The following ASPM variants were observed in gnomAD, a reference collection of about 807,000 sequenced individuals.
ASPM encodes assembly factor for spindle microtubules.
A neutral mutation model predicts 366.4 loss-of-function variants in ASPM; 256 were observed. The observed-to-expected ratio is 0.70, with a 90% CI of 0.63 to 0.77. The LOEUF (loss-of-function observed/expected upper bound fraction) is 0.77. ASPM is among the 30% of genes least tolerant of loss of function. The pLI is 0.00. For synonymous variants in ASPM, 1,414 were observed against 1,342.9 expected (o/e 1.05, Z -1.16); for missense variants, 4,146 against 4,090.4 (o/e 1.01, Z -0.37).
intron 4 of ASPM, chr1:197,139,371 G>A: frequency 1.7e-6 from 1 of 592,482 alleles, no homozygotes; most frequent in South Asian, 1.9e-5. Flanking sequence ...CGAGGGGAGG[G>A]ATCACGAGGT....
At chr1:197,141,909 T>C (rs1206670086) in intron 3 of ASPM, among the ~76,000 whole-genome samples, 1 of 152,186 alleles carries the variant, frequency 6.6e-6, no homozygotes, top group Admixed American at 6.5e-5. Flanking sequence ...CATAGGCTCA[T>C]AAATCAGATA....
chr1:197,145,513 GCTCA>G (rs1658736679), intron 1 of ASPM, among the ~76,000 whole-genome samples: 2 of 151,686 alleles, frequency 1.3e-5, no homozygotes, highest in South Asian at 4.2e-4. Flanking sequence ...CCAGAACAAA[GCTCA>G]CTATTTCACC....
intron 13 of ASPM, among the ~76,000 whole-genome samples, chr1:197,123,781 T>C (rs1165510850): frequency 6.6e-6 from 1 of 152,188 alleles, no homozygotes; most frequent in Admixed American, 6.6e-5. Flanking sequence ...AGTTCTTAGT[T>C]GTCCCTTTCT....
chr1:197,117,936 A>G lies in ASPM; in HGVS notation c.3918T>C (p.Phe1306=). The change falls in exon 17 of 28, where the codon TTT becomes TTC. Residue 1306 remains phenylalanine (F), a synonymous_variant. Coordinates refer to ENST00000367409, the MANE Select transcript of ASPM (RefSeq NM_018136.5). The stretch of plus-strand genomic sequence containing the variant: ...TTTTTCTCAATCTTTGTTTTGCTAG[A>G]AAATTGATTACAGCCAATTGAATAA... ...ARIIQLAVIN[F]LAKQRLRKRV... is the part of the protein sequence containing the mutation. 6.2e-7 allele frequency: 1 copy of G among 1,613,652 alleles called. No homozygotes were observed. Among genetic ancestry groups the G allele is most frequent in the South Asian group, 1.1e-5 (1 of 91,080 alleles).
In ASPM at chr1:197,108,971, CAAAAAAAAAAA is replaced by C. The variant is rs564818123; in HGVS notation, c.4066-3797_4066-3787del. Among the ~76,000 whole-genome samples the C allele has an allele frequency of 8.6e-5, 6 of 69,758 alleles. No homozygotes were observed. In the East Asian group the frequency reaches 2.6e-3, roughly 31 times the overall value. The allele number at this position is 69,758 out of a possible 152,430, so 45.8% of individuals were successfully genotyped here. A position where few individuals can be genotyped will look rare whatever the true frequency, so the allele number is the denominator to read the frequency against. Reference sequence around the variant, plus strand: ...GGGCGACAGAGCAAGACCCTGTCTCCAAAAAAAAAAAAAAAAAAAAAAGTCCAGAGAAGAAT... The same window carrying C: ...GGGCGACAGAGCAAGACCCTGTCTCCAAAAAAAAAAAGTCCAGAGAAGAAT... On this transcript the variant is annotated intron_variant, in intron 17 of 27. Transcript: ENST00000367409.
intron 17 of ASPM, among the ~76,000 whole-genome samples, chr1:197,108,749 T>A (rs1386527932): frequency 6.6e-6 from 1 of 151,922 alleles, no homozygotes; most frequent in Non-Finnish European, 1.5e-5. Context: ...GGCAGGAGGA[T>A]GACTAGAGCC....
At chr1:197,114,098 A>T (rs1175484799) in intron 17 of ASPM, among the ~76,000 whole-genome samples, 2 of 152,206 alleles carry the variant, frequency 1.3e-5, no homozygotes, top group African/African-American at 4.8e-5. Flanking sequence ...CAATAAAGCA[A>T]ATATTACAAT....
At position 197,146,390 on chromosome 1, in the gene ASPM, G is replaced by C. The variant is rs1036726093; in HGVS notation, c.48C>G (p.Thr16=). The change falls in exon 1 of 28, where the codon ACC becomes ACG. Residue 16 remains threonine (T), a synonymous_variant. Coordinates refer to ENST00000367409, the MANE Select transcript of ASPM (RefSeq NM_018136.5). Reference sequence around the variant, plus strand: ...GCAGCCCCGCGGGCGGCCTCCGCTCGGTCGGGCTCACTTCCCAGCAGCCTC... The same window carrying C: ...GCAGCCCCGCGGGCGGCCTCCGCTCCGTCGGGCTCACTTCCCAGCAGCCTC... The part of the protein sequence containing the change: ...VGRGCWEVSP[T]ERRPPAGLRG... 9 of 1,609,660 alleles carry C rather than the reference G, an allele frequency of 5.6e-6. No homozygotes were observed. Among genetic ancestry groups the C allele is most frequent in the Non-Finnish European group, 7.6e-6 (9 of 1,179,292 alleles).
chr1:197,095,311 T>C (rs1016206039), intron 19 of ASPM, among the ~76,000 whole-genome samples: 2 of 151,726 alleles, frequency 1.3e-5, no homozygotes, highest in Non-Finnish European at 2.9e-5. Context: ...CAACTGTATA[T>C]GTTAAGCCCT....
Position 197,146,515 on chromosome 1 carries a change from G to T in ASPM, c.-78C>A. ...TCCGGAGCGGGGATCCGGGACTTAC[G>T]CTGACCGCTTCCCCTCAGGGGCGGC... On this transcript the variant is annotated 5_prime_UTR_variant, in exon 1 of 28. Transcript: ENST00000367409. 6.6e-7 allele frequency: 1 copy of T among 1,523,364 alleles called. No homozygotes were observed. 94.4% of individuals were successfully genotyped at this position (1,523,364 alleles called of 1,614,324 possible).
intron 16 of ASPM, among the ~76,000 whole-genome samples, chr1:197,120,007 T>C (rs1192807529): frequency 6.6e-6 from 1 of 151,946 alleles, no homozygotes; most frequent in Non-Finnish European, 1.5e-5. Flanking sequence ...AAAGATATAA[T>C]TGGATGTGAG....
intron 10 of ASPM, among the ~76,000 whole-genome samples, chr1:197,127,408 C>T (rs565994170): frequency 3.3e-5 from 5 of 152,260 alleles, no homozygotes; most frequent in South Asian, 2.1e-4. Flanking sequence ...GCTCCCCATA[C>T]GTCAACATTT....
Position 197,125,106 on chromosome 1 carries a change from T to C in ASPM, c.3022A>G (p.Asn1008Asp), listed in dbSNP as rs1658050658. ...AGAACTTGAAGAACAATGTCAACAT[T>C]GTGCATCTTTTGAAGACGACTTATT... ...PAISRLQKMH[N>D]VDIVLQVLKS... Residue 1008 changes from asparagine to aspartate, a missense_variant, in exon 11 of 28, where the codon AAT (asparagine) becomes GAT (aspartate). By Grantham distance (23) the Asn-to-Asp change is conservative (BLOSUM62 1). This residue lies in a region of ASPM where 3,624 missense variants were observed against 3,591.7 expected (regional missense o/e 1.01). Coordinates refer to ENST00000367409, the MANE Select transcript of ASPM (RefSeq NM_018136.5). 6.2e-7 allele frequency: 1 copy of C among 1,613,946 alleles called. No homozygotes were observed. The highest frequency in any genetic ancestry group is 8.5e-7 in the Non-Finnish European group (1 of 1,179,960).
chr1:197,105,611 T>G (rs1657386075), intron 17 of ASPM, among the ~76,000 whole-genome samples: 2 of 151,982 alleles, frequency 1.3e-5, no homozygotes, highest in Admixed American at 6.6e-5. Context: ...AGAAACTGTT[T>G]ATGTGAAGGA....
chr1:197,088,364 C>T lies in ASPM; in HGVS notation c.10053G>A (p.Gln3351=), dbSNP rs747484918. ...TATTACCAGGCTTTTCTCGGTATAT[C>T]TGCAAAAGCTCCAATAGTATATCTA... is the stretch of plus-strand genomic sequence containing the variant. ...NCIDILLELL[Q]IYREKPGNKV... is the part of the protein sequence containing the mutation. The change falls in exon 26 of 28, where the codon CAG becomes CAA. Residue 3351 remains glutamine (Q), a synonymous_variant. Transcript: ENST00000367409. The T allele has an allele frequency of 1.2e-6, 2 of 1,612,326 alleles. No homozygotes were observed. Among genetic ancestry groups the T allele is most frequent in the Admixed American group, 1.7e-5 (1 of 59,960 alleles).
chr1:197,093,627 G>A (rs1477953009), intron 20 of ASPM, among the ~76,000 whole-genome samples: 2 of 151,952 alleles, frequency 1.3e-5, no homozygotes, highest in Middle Eastern at 3.4e-3. Flanking sequence ...GACAGAAGCT[G>A]TCTGTAGCTT....
At chr1:197,117,240 CAT>C (rs1297111193) in intron 17 of ASPM, among the ~76,000 whole-genome samples, 1 of 151,812 alleles carries the variant, frequency 6.6e-6, no homozygotes, top group Non-Finnish European at 1.5e-5. Context: ...GCACATCTCT[CAT>C]GTCATTAAAA....
In ASPM at chr1:197,129,282, T is replaced by G. The variant is rs373592231; in HGVS notation, c.2665A>C (p.Lys889Gln). The G allele has an allele frequency of 6.2e-6, 10 of 1,612,848 alleles. No individual in the cohort carries two copies. Among genetic ancestry groups the G allele is most frequent in the African/African-American group, 4.0e-5 (3 of 74,840 alleles). ...AGAAAACAGACCAACAACAATAACT[T>G]TTTCAATGTAAACTTGGACAAAGCT... ...EEALSKFTLKKLLLLVCFLDY... is the reference protein window; with the variant it reads ...EEALSKFTLKQLLLLVCFLDY... Residue 889 changes from lysine to glutamine, a missense_variant, in exon 9 of 28, where the codon AAG becomes CAG. By Grantham distance (53) the Lys-to-Gln change is moderately conservative. This residue lies in a region of ASPM where 3,624 missense variants were observed against 3,591.7 expected (regional missense o/e 1.01). Coordinates refer to ENST00000367409, the MANE Select transcript of ASPM (RefSeq NM_018136.5).
At chr1:197,132,602 GAA>G (rs1658295365) in intron 6 of ASPM, among the ~76,000 whole-genome samples, 5 of 152,012 alleles carry the variant, frequency 3.3e-5, no homozygotes, top group Admixed American at 3.3e-4. Flanking sequence ...TCAGTATCTG[GAA>G]GAGATACCTG....
Sources: gnomAD v4.1 joint callset for allele counts (sites outside exome capture counted in the v4.1 genomes callset) on GRCh38, gnomAD v4.1.1 for gene constraint, gnomAD v4.1.1 regional missense constraint, MANE v1.5 for transcripts, NCBI Gene and HGNC (gene_info 2026-07-23, HGNC 2026-07-21) for gene names.